VCL: variants seen among roughly 807,000 people sequenced by gnomAD.
VCL encodes epididymis luminal protein 114.
VCL carries 47 observed loss-of-function variants against 125.7 expected under a neutral mutation model. That is an observed-to-expected ratio of 0.37 (90% CI 0.30 to 0.48). The LOEUF (loss-of-function observed/expected upper bound fraction) is 0.48. Among genes scored for constraint, VCL ranks in the 20% least tolerant of loss-of-function variants. VCL has a pLI of 0.99. For synonymous variants in VCL, 458 were observed against 514.6 expected (o/e 0.89, Z 1.49); for missense variants, 1,069 against 1,455.5 (o/e 0.73, Z 4.32).
At position 74,095,811 on chromosome 10, in the gene VCL, C is replaced by T. The variant is rs1440942210; in HGVS notation, c.1699C>T (p.Pro567Ser). The T allele has an allele frequency of 6.2e-7, 1 of 1,613,984 alleles. No individual in the cohort carries two copies. The highest frequency in any genetic ancestry group is 1.3e-5 in the African/African-American group (1 of 74,926). Reference sequence around the variant, plus strand: ...GGCTGCCAGAGGGGAAGGGGAGAGTCCTCAGGCACGAGCACTTGCATCTCA... The same window carrying T: ...GGCTGCCAGAGGGGAAGGGGAGAGTTCTCAGGCACGAGCACTTGCATCTCA... ...DLAARGEGES[P>S]QARALASQLQ... Residue 567 changes from proline (P) to serine (S), a missense_variant, in exon 12 of 22, where the codon CCT (proline) becomes TCT (serine). Pro to Ser is a moderately conservative substitution (Grantham distance 74). Coordinates refer to ENST00000211998, the MANE Select transcript of VCL (RefSeq NM_014000.3).
At chr10:74,105,504 C>T in intron 16 of VCL, 151 bp downstream of exon 16, 1 of 1,027,206 alleles carries the variant, frequency 9.7e-7, no homozygotes, top group Non-Finnish European at 1.5e-6. Context: ...TAATCTTTTT[C>T]CATCCAAGTC....
intron 1 of VCL, among the ~76,000 whole-genome samples, chr10:74,027,376 G>C (rs1287239533): frequency 2.0e-5 from 3 of 150,828 alleles, no homozygotes; most frequent in African/African-American, 7.3e-5. Flanking sequence ...TAGTCATAGA[G>C]TATTAAAGTT....
chr10:74,085,709 C>T (rs952622585), intron 8 of VCL, among the ~76,000 whole-genome samples: 1 of 152,116 alleles, frequency 6.6e-6, no homozygotes, highest in Non-Finnish European at 1.5e-5. Flanking sequence ...TAGGATGAGA[C>T]ACTCATGAAA....
At chr10:74,054,658 C>T (rs1372676297) in intron 2 of VCL, among the ~76,000 whole-genome samples, 7 of 152,130 alleles carry the variant, frequency 4.6e-5, no homozygotes, top group Non-Finnish European at 7.4e-5. Flanking sequence ...TGGTGGCTCA[C>T]GCCTTTAATC....
chr10:74,058,697 T>C (rs1841427356), intron 2 of VCL, among the ~76,000 whole-genome samples: 1 of 152,104 alleles, frequency 6.6e-6, no homozygotes. Context: ...CACCATTTCC[T>C]TTATATTATT....
chr10:74,107,928 A>G (rs1840163466), intron 17 of VCL, among the ~76,000 whole-genome samples: 1 of 152,224 alleles, frequency 6.6e-6, no homozygotes, highest in Non-Finnish European at 1.5e-5. Context: ...AGTATGTTGC[A>G]GACACAAATT....
Position 74,043,072 on chromosome 10 carries a change from T to C in VCL, c.169-11T>C, listed in dbSNP as rs1841125142. 6.2e-7 allele frequency: 1 copy of C among 1,611,232 alleles called. No individual in the cohort carries two copies. The highest frequency in any genetic ancestry group is 8.5e-7 in the Non-Finnish European group (1 of 1,178,108). ...TTTATATTTGAATTATGATTTTTTT[T>C]CCTCTTGTAGGTTGGAAAAGAGACT... On this transcript the variant is annotated splice_polypyrimidine_tract_variant and intron_variant, in intron 1 of 21. Transcript: ENST00000211998.
At chr10:74,101,172 A>G (rs1195955687) in intron 14 of VCL, 75 bp downstream of exon 14, 1 of 1,553,338 alleles carries the variant, frequency 6.4e-7, no homozygotes, top group Non-Finnish European at 8.7e-7. Flanking sequence ...TACATTTTTG[A>G]ATACTTACCG....
At chr10:74,041,302 G>T (rs1374966575) in intron 1 of VCL, among the ~76,000 whole-genome samples, 4 of 151,796 alleles carry the variant, frequency 2.6e-5, no homozygotes, top group Admixed American at 6.6e-5. Context: ...AGTACTCTTA[G>T]GTGGCTTTAT....
In VCL at chr10:74,074,903, G is replaced by GGTAC; in HGVS notation, c.783+3_783+6dup. ...GGGATGAAGATGCCTGGGCCAGCAA[G>GGTAC]GTACGTGTTCTTAGTGGAGAAATAA... On this transcript the variant is annotated frameshift_variant and splice_region_variant. Transcript: ENST00000211998. LOFTEE classifies it high-confidence loss of function. The GGTAC allele has an allele frequency of 1.2e-6, 2 of 1,614,132 alleles. No individual in the cohort carries two copies. The highest frequency in any genetic ancestry group is 2.2e-5 in the South Asian group (2 of 91,076).
At chr10:74,029,246 T>C (rs1490222966) in intron 1 of VCL, among the ~76,000 whole-genome samples, 1 of 152,040 alleles carries the variant, frequency 6.6e-6, no homozygotes, top group Non-Finnish European at 1.5e-5. Flanking sequence ...CCCTAGTAGC[T>C]GGGACTACAG....
At chr10:74,009,850 C>T (rs1228707544) in intron 1 of VCL, among the ~76,000 whole-genome samples, 1 of 151,188 alleles carries the variant, frequency 6.6e-6, no homozygotes, top group Non-Finnish European at 1.5e-5. Context: ...CTCAAATGAA[C>T]CACCCCCTCG....
intron 12 of VCL, among the ~76,000 whole-genome samples, chr10:74,096,272 G>A (rs965501155): frequency 1.3e-5 from 2 of 151,752 alleles, no homozygotes; most frequent in Middle Eastern, 3.2e-3. Flanking sequence ...TGAGGTGGGA[G>A]AATCACCTGA....
intron 21 of VCL, 25 bp from the exon 22 acceptor site, chr10:74,117,998 A>T: frequency 1.2e-6 from 2 of 1,613,458 alleles, no homozygotes; most frequent in Middle Eastern, 3.7e-4. Flanking sequence ...ACCCTGGGTA[A>T]CGGAAAGTAC....
Position 74,009,224 on chromosome 10 carries a change from C to A in VCL, c.168+10849C>A, listed in dbSNP as rs377176717. On this transcript the variant is annotated intron_variant, in intron 1 of 21. Coordinates refer to ENST00000211998, the MANE Select transcript of VCL (RefSeq NM_014000.3). ...CTAGGTGGCTGCTGCTTTCCCCCCCCCCCCCCGAGCCATTTTAGTATTTAA... is the reference window on the plus strand; with the variant it reads ...CTAGGTGGCTGCTGCTTTCCCCCCCACCCCCCGAGCCATTTTAGTATTTAA... Among the ~76,000 whole-genome samples the A allele has an allele frequency of 1.9e-4, 23 of 121,858 alleles. 1 individual carries two copies. In the East Asian group the frequency reaches 2.1e-3, roughly 11 times the overall value. The allele number at this position is 121,858 out of a possible 152,430, so 79.9% of individuals were successfully genotyped here. A position where few individuals can be genotyped will look rare whatever the true frequency, so the allele number is the denominator to read the frequency against.
At chr10:74,061,667 C>T (rs1330353733) in intron 2 of VCL, among the ~76,000 whole-genome samples, 1 of 152,180 alleles carries the variant, frequency 6.6e-6, no homozygotes, top group African/African-American at 2.4e-5. Flanking sequence ...TATTAGGTTG[C>T]TTGGAGTTGT....
intron 1 of VCL, among the ~76,000 whole-genome samples, chr10:74,017,257 C>T (rs1017336328): frequency 6.6e-6 from 1 of 151,358 alleles, no homozygotes; most frequent in East Asian, 1.9e-4. Flanking sequence ...CCGTTTTAGC[C>T]GGGATGGTCT....
At chr10:74,031,992 A>G (rs1840881869) in intron 1 of VCL, among the ~76,000 whole-genome samples, 1 of 138,792 alleles carries the variant, frequency 7.2e-6, no homozygotes, top group Non-Finnish European at 1.5e-5. Context: ...TGAACCTGGG[A>G]GGCAGAGGTT....
intron 9 of VCL, among the ~76,000 whole-genome samples, chr10:74,089,669 T>C (rs532680596): frequency 6.6e-6 from 1 of 152,316 alleles, no homozygotes; most frequent in East Asian, 1.9e-4. Flanking sequence ...TCTTGGGTCA[T>C]TGTAATGTTT....
Sources: allele counts gnomAD v4.1 joint callset (sites outside exome capture counted in the v4.1 genomes callset), GRCh38; gene constraint gnomAD v4.1.1; transcripts MANE v1.5; gene names NCBI Gene and HGNC (gene_info 2026-07-23, HGNC 2026-07-21).